Variants in CSMD1 observed in about 807,000 individuals in gnomAD.
CSMD1 encodes the protein CUB and Sushi multiple domains 1.
In CSMD1, 213 loss-of-function variants were observed where a neutral mutation model predicts 417.5. The observed-to-expected ratio is 0.51, with a 90% CI of 0.46 to 0.57. The LOEUF is 0.57. CSMD1 is among the 20% of genes least tolerant of loss of function. The probability of loss-of-function intolerance (pLI) is 0.00; values close to 1 mark genes in which losing one functional copy is unlikely to be tolerated. For synonymous variants in CSMD1, 2,862 were observed against 1,736.8 expected, an observed-to-expected ratio of 1.65 and a Z score of -16.11; for missense variants, 6,923 against 4,529.7, an observed-to-expected ratio of 1.53 and a Z score of -15.17.
chr8:3,640,556 G>C (rs1797256930), intron 7 of CSMD1, among the ~76,000 whole-genome samples: 1 of 152,130 alleles, frequency 6.6e-6, no homozygotes, highest in African/African-American at 2.4e-5. Flanking sequence ...TTTTTCCACT[G>C]GATTGGACAA....
intron 3 of CSMD1, among the ~76,000 whole-genome samples, chr8:4,117,087 C>T (rs947333433): frequency 8.6e-5 from 13 of 151,818 alleles, no homozygotes; most frequent in African/African-American, 2.7e-4. Flanking sequence ...CCTTTCTACT[C>T]CCTTTTCCCC....
At chr8:4,205,655 C>T (rs542144165) in intron 3 of CSMD1, among the ~76,000 whole-genome samples, 56 of 152,266 alleles carry the variant, frequency 3.7e-4, no homozygotes, top group South Asian at 4.1e-4. Context: ...CTCATTGTAA[C>T]GGCTGTTGTG....
Position 3,795,391 on chromosome 8 carries a change from TAG to T in CSMD1, c.819-41351_819-41350del, listed in dbSNP as rs1254016297. On this transcript the variant is annotated intron_variant, in intron 5 of 69. Transcript: ENST00000635120. Reference sequence around the variant, plus strand: ...TATAGATATATATCATGTATAGATATAGATATCTATCATAGATATAGATATAT... The same window carrying T: ...TATAGATATATATCATGTATAGATATATATCTATCATAGATATAGATATAT... Among the ~76,000 whole-genome samples the T allele has an allele frequency of 4.4e-5, 2 of 45,274 alleles. 1 individual carries two copies. The highest frequency in any genetic ancestry group is 8.8e-5 in the Non-Finnish European group (2 of 22,656). The allele number at this position is 45,274 out of a possible 152,430, so 29.7% of individuals were successfully genotyped here.
chr8:3,757,107 T>G (rs905083807), intron 5 of CSMD1, among the ~76,000 whole-genome samples: 1 of 152,174 alleles, frequency 6.6e-6, no homozygotes, highest in Non-Finnish European at 1.5e-5. Flanking sequence ...CAGCCTGGAA[T>G]TGCACTTTAT....
intron 1 of CSMD1, among the ~76,000 whole-genome samples, chr8:4,739,664 A>G (rs1179158903): frequency 6.6e-6 from 1 of 152,176 alleles, no homozygotes; most frequent in African/African-American, 2.4e-5. Flanking sequence ...CGGACAGTCC[A>G]CACTTTGTGT....
In CSMD1 at chr8:3,574,926, G is replaced by C. The variant is rs761799375; in HGVS notation, c.1344+19C>G. 1.2e-6 allele frequency: 2 copies of C among 1,610,970 alleles called. No individual in the cohort carries two copies. The highest frequency in any genetic ancestry group is 1.7e-6 in the Non-Finnish European group (2 of 1,179,170). ...AGTGCTGTGTGCATTAACCACAGGG[G>C]TTGGAGGCGGAGCCTTACCTTGTCC... On this transcript the variant is annotated intron_variant, in intron 10 of 69. Coordinates refer to ENST00000635120, the MANE Select transcript of CSMD1 (RefSeq NM_033225.6).
intron 1 of CSMD1, among the ~76,000 whole-genome samples, chr8:4,781,069 C>G (rs1367440788): frequency 1.3e-5 from 2 of 152,186 alleles, no homozygotes; most frequent in African/African-American, 4.8e-5. Context: ...CTTTCTGTGT[C>G]CCGCCGTCTT....
intron 26 of CSMD1, among the ~76,000 whole-genome samples, chr8:3,273,834 C>G (rs750401700): frequency 1.3e-5 from 2 of 151,750 alleles, no homozygotes; most frequent in Admixed American, 6.6e-5. Flanking sequence ...TTTTCTTAGT[C>G]TTGCTAGTGG....
chr8:4,411,050 G>T (rs761385058), intron 3 of CSMD1, among the ~76,000 whole-genome samples: 1 of 152,028 alleles, frequency 6.6e-6, no homozygotes, highest in Non-Finnish European at 1.5e-5. Context: ...TCCACCATGT[G>T]ATACCACTCC....
chr8:4,231,680 G>A (rs1251801089), intron 3 of CSMD1, among the ~76,000 whole-genome samples: 1 of 152,168 alleles, frequency 6.6e-6, no homozygotes, highest in Non-Finnish European at 1.5e-5. Flanking sequence ...CAAGCTGTGG[G>A]CTTATGACTA....
chr8:4,397,954 G>C (rs956747381), intron 3 of CSMD1, among the ~76,000 whole-genome samples: 10 of 152,142 alleles, frequency 6.6e-5, no homozygotes, highest in Non-Finnish European at 1.5e-4. Context: ...AAAATGGGTT[G>C]TCATACACCT....
chr8:3,436,882 T>C (rs1049667854), intron 12 of CSMD1, among the ~76,000 whole-genome samples: 5 of 152,132 alleles, frequency 3.3e-5, no homozygotes, highest in Non-Finnish European at 7.4e-5. Context: ...AACATTAAGG[T>C]AATGCCAATT....
At chr8:4,985,036 AAAG>A (rs2117449153) in intron 1 of CSMD1, among the ~76,000 whole-genome samples, 1 of 152,332 alleles carries the variant, frequency 6.6e-6, no homozygotes, top group South Asian at 2.1e-4. Context: ...CAGCCATAAA[AAAG>A]AACAAGATCA....
At chr8:4,379,463 A>C (rs527259516) in intron 3 of CSMD1, among the ~76,000 whole-genome samples, 33 of 152,308 alleles carry the variant, frequency 2.2e-4, no homozygotes, top group African/African-American at 7.7e-4. Context: ...TGTCAACATT[A>C]ATGTCTTCAG....
chr8:3,938,919 C>T (rs1364156800), intron 5 of CSMD1, among the ~76,000 whole-genome samples: 1 of 152,100 alleles, frequency 6.6e-6, no homozygotes, highest in Non-Finnish European at 1.5e-5. Context: ...CTCTATCATT[C>T]TCAAACACAG....
At position 3,836,166 on chromosome 8, in the gene CSMD1, T is replaced by G. The variant is rs145323844; in HGVS notation, c.819-82124A>C. ...TTTTTTTCTTACTATATTCATTGTCTCAGTTTATTATAGATTTTTCCACTT... is the reference window on the plus strand; with the variant it reads ...TTTTTTTCTTACTATATTCATTGTCGCAGTTTATTATAGATTTTTCCACTT... On this transcript the variant is annotated intron_variant, in intron 5 of 69. Coordinates refer to ENST00000635120, the MANE Select transcript of CSMD1 (RefSeq NM_033225.6). 1.1e-4 allele frequency among the ~76,000 whole-genome samples: 17 copies of G among 152,326 alleles called. No homozygotes were observed. In the East Asian group the frequency reaches 3.3e-3, roughly 29 times the overall value.
rs544284727 is a variant in CSMD1, at chr8:3,246,269, C to A, written c.4154-16038G>T. Among the ~76,000 whole-genome samples, 4 of 152,214 alleles carry A rather than the reference C, an allele frequency of 2.6e-5. No individual in the cohort carries two copies. The South Asian group carries it at 8.3e-4, about 32-fold the overall frequency. ...CCAGCCCCTCATTCTTCCTTGGAAT[C>A]CATGATCTCATTCCTCACATGGGAC... On this transcript the variant is annotated intron_variant, in intron 26 of 69. Coordinates refer to ENST00000635120, the MANE Select transcript of CSMD1 (RefSeq NM_033225.6).
chr8:4,839,407 T>C (rs1800703155), intron 1 of CSMD1, among the ~76,000 whole-genome samples: 2 of 152,222 alleles, frequency 1.3e-5, no homozygotes, highest in African/African-American at 2.4e-5. Flanking sequence ...CTCAACACTT[T>C]ACACATTCTA....
chr8:3,708,997 G>A (rs3816750), intron 6 of CSMD1, among the ~76,000 whole-genome samples: 20,243 of 152,142 alleles, frequency 0.13, 1,660 homozygotes, highest in East Asian at 0.23. Flanking sequence ...CATGCTCTAC[G>A]TGCTGTAGAT....
Sources: gnomAD v4.1 joint callset for allele counts (sites outside exome capture counted in the v4.1 genomes callset) on GRCh38, gnomAD v4.1.1 for gene constraint, MANE v1.5 for transcripts, NCBI Gene and HGNC (gene_info 2026-07-23, HGNC 2026-07-21) for gene names.